FMN2: variants seen among roughly 807,000 people sequenced by gnomAD.
The protein encoded by FMN2 is formin-2.
In FMN2, 51 loss-of-function variants were observed where a neutral mutation model predicts 142.3. The observed-to-expected ratio is 0.36, with a 90% CI of 0.29 to 0.45. The LOEUF (loss-of-function observed/expected upper bound fraction) is 0.45, where lower values mean the gene tolerates loss of function less well. Among genes scored for constraint, FMN2 ranks in the 20% least tolerant of loss-of-function variants. FMN2 has a pLI of 1.00. For synonymous variants in FMN2, 882 were observed against 869.8 expected (o/e 1.01, Z -0.25); for missense variants, 1,936 against 2,122.8 (o/e 0.91, Z 1.73).
Position 240,453,852 on chromosome 1 carries a change from G to A in FMN2, c.5060+15642G>A, listed in dbSNP as rs1413213793. 3.4e-5 allele frequency among the ~76,000 whole-genome samples: 2 copies of A among 58,236 alleles called. 1 individual carries two copies. The highest frequency in any genetic ancestry group is 1.0e-4 in the African/African-American group (2 of 19,332). 38.2% of individuals were successfully genotyped at this position (58,236 alleles called of 152,430 possible). ...AAAAGACAAAAAATTAGCCGGGCGC[G>A]GTGGCGGGCGCCTGTAGTCCCAGCT... is the stretch of plus-strand genomic sequence containing the variant. On this transcript the variant is annotated intron_variant, in intron 16 of 17. Transcript: ENST00000319653.
Position 240,211,120 on chromosome 1 carries a change from A to C in FMN2, c.3950A>C (p.Lys1317Thr). Residue 1317 changes from lysine (K) to threonine (T), a missense_variant, in exon 6 of 18, where the codon AAA (lysine) becomes ACA (threonine). Lys to Thr is a moderately conservative substitution (Grantham distance 78). Transcript: ENST00000319653. ...TCCAGTACTTCACTTATTTGGGAAA[A>C]AATTGAAGAGCCATCCATAGATTGT... ...RDSSTSLIWEKIEEPSIDCHE... is the reference protein window; with the variant it reads ...RDSSTSLIWETIEEPSIDCHE... 1.2e-6 allele frequency: 2 copies of C among 1,612,760 alleles called. No individual in the cohort carries two copies. The highest frequency in any genetic ancestry group is 1.7e-6 in the Non-Finnish European group (2 of 1,179,800).
rs139726989 is a variant in FMN2 at position 240,441,947 on chromosome 1, C to G, written c.5060+3737C>G. 4.0e-3 allele frequency among the ~76,000 whole-genome samples: 613 copies of G among 151,380 alleles called. 1 individual carries two copies. The highest frequency in any genetic ancestry group is 0.014 in the African/African-American group (569 of 41,284). On this transcript the variant is annotated intron_variant, in intron 16 of 17. Coordinates refer to ENST00000319653, the MANE Select transcript of FMN2 (RefSeq NM_020066.5). ...ATACCTCAAAGCAAAAAGAGAGAGA[C>G]AGAGAGAGAGAGAGAAATTTTATTT... is the stretch of plus-strand genomic sequence containing the variant.
chr1:240,142,663 T>G, intron 2 of FMN2: 1 of 1,605,904 alleles, frequency 6.2e-7, no homozygotes, highest in Non-Finnish European at 8.5e-7. Context: ...CCCCTGGTGG[T>G]CACTTAGAGA....
chr1:240,229,189 G>A (rs1233458172), intron 6 of FMN2, among the ~76,000 whole-genome samples: 1 of 152,096 alleles, frequency 6.6e-6, no homozygotes, highest in Non-Finnish European at 1.5e-5. Flanking sequence ...AGTCTTCATG[G>A]AGGAAGGAGG....
intron 7 of FMN2, among the ~76,000 whole-genome samples, chr1:240,278,168 A>T (rs1012298272): frequency 3.9e-5 from 6 of 152,170 alleles, no homozygotes; most frequent in Admixed American, 3.9e-4. Context: ...TAACTATATA[A>T]ACAGGCATTT....
intron 2 of FMN2, 152 bp from the exon 3 acceptor site, chr1:240,177,769 A>G: frequency 1.7e-6 from 1 of 579,024 alleles, no homozygotes; most frequent in Middle Eastern, 5.1e-4. Flanking sequence ...AGGAATCTAC[A>G]CTGAATAGTA....
chr1:240,417,489 G>A (rs1040436440), intron 15 of FMN2, among the ~76,000 whole-genome samples: 17 of 152,074 alleles, frequency 1.1e-4, no homozygotes, highest in Admixed American at 1.0e-3. Flanking sequence ...TGGAAAACCT[G>A]CATGATTTCT....
At chr1:240,132,833 C>T (rs1662796187) in intron 2 of FMN2, among the ~76,000 whole-genome samples, 1 of 152,134 alleles carries the variant, frequency 6.6e-6, no homozygotes, top group South Asian at 2.1e-4. Flanking sequence ...GTTCAGTCAT[C>T]GTTTGGCTTG....
chr1:240,474,056 G>C, intron 17 of FMN2, 72 bp from the exon 18 acceptor site: 1 of 1,327,352 alleles, frequency 7.5e-7, no homozygotes. Flanking sequence ...TCTTTTTTAG[G>C]CTACTCTAAA....
At chr1:240,116,302 T>C (rs1362767626) in intron 1 of FMN2, among the ~76,000 whole-genome samples, 1 of 152,158 alleles carries the variant, frequency 6.6e-6, no homozygotes, top group East Asian at 1.9e-4. Context: ...CCATACTCTG[T>C]TAGTGCGTTC....
intron 15 of FMN2, among the ~76,000 whole-genome samples, chr1:240,395,805 T>C (rs1673752132): frequency 6.6e-6 from 1 of 152,210 alleles, no homozygotes; most frequent in South Asian, 2.1e-4. Context: ...CTATGAACGT[T>C]GTTGAAATCA....
In FMN2 at chr1:240,209,700, T is replaced by C. The variant is rs373816243; in HGVS notation, c.3920+968T>C. Among the ~76,000 whole-genome samples, 411 of 149,612 alleles carry C rather than the reference T, an allele frequency of 2.7e-3. 2 individuals are homozygous for C. The South Asian group carries it at 0.028, about 10-fold the overall frequency. On this transcript the variant is annotated intron_variant, in intron 5 of 17. Coordinates refer to ENST00000319653, the MANE Select transcript of FMN2 (RefSeq NM_020066.5). The stretch of plus-strand genomic sequence containing the variant: ...CGGGTGGATCACAAGGTCAGGAGAT[T>C]GAGACCATCCTGGCTAACACGGTGA...
intron 13 of FMN2, among the ~76,000 whole-genome samples, chr1:240,341,848 G>A (rs968405051): frequency 9.9e-5 from 15 of 152,280 alleles, no homozygotes; most frequent in South Asian, 4.1e-4. Context: ...CTTGGCTGGG[G>A]TCTGGGCTGG....
chr1:240,401,666 G>A (rs1335146523), intron 15 of FMN2, among the ~76,000 whole-genome samples: 3 of 152,166 alleles, frequency 2.0e-5, no homozygotes, highest in African/African-American at 7.2e-5. Context: ...GCTGAGTTGG[G>A]CTATCAGATG....
intron 2 of FMN2, among the ~76,000 whole-genome samples, chr1:240,131,814 A>G (rs1388068313): frequency 2.0e-5 from 3 of 152,210 alleles, no homozygotes; most frequent in Non-Finnish European, 4.4e-5. Context: ...TGGGAGAATG[A>G]TGCGTAGAAA....
chr1:240,425,894 T>A (rs562658819), intron 15 of FMN2, among the ~76,000 whole-genome samples: 1 of 152,184 alleles, frequency 6.6e-6, no homozygotes, highest in Non-Finnish European at 1.5e-5. Flanking sequence ...GTGCCTGGCA[T>A]ATAGTTACTA....
At chr1:240,465,384 G>GTGTGTGTGTGTGTGTC (rs1241874596) in intron 16 of FMN2, among the ~76,000 whole-genome samples, 2 of 128,910 alleles carry the variant, frequency 1.6e-5, no homozygotes, top group African/African-American at 5.6e-5. Flanking sequence ...GTGTGTGTGT[G>GTGTGTGTGTGTGTGTC]TGTCTGTCTT....
intron 14 of FMN2, among the ~76,000 whole-genome samples, chr1:240,359,865 A>G (rs1479385010): frequency 6.6e-6 from 1 of 152,182 alleles, no homozygotes; most frequent in East Asian, 1.9e-4. Context: ...TTGTCCATCA[A>G]TAGTATAAGC....
intron 4 of FMN2, among the ~76,000 whole-genome samples, 182 bp downstream of exon 4, chr1:240,188,444 C>G (rs1237570725): frequency 6.6e-6 from 1 of 152,144 alleles, no homozygotes. Flanking sequence ...TTTTTGCATA[C>G]AAAATCAGCC....
Sources: allele counts gnomAD v4.1 joint callset (sites outside exome capture counted in the v4.1 genomes callset), GRCh38; gene constraint gnomAD v4.1.1; transcripts MANE v1.5; gene names NCBI Gene and HGNC (gene_info 2026-07-23, HGNC 2026-07-21).